MPP7: variants seen among roughly 807,000 people sequenced by gnomAD.
MPP7 encodes the protein MAGUK p55 subfamily member 7.
A neutral mutation model predicts 76.5 loss-of-function variants in MPP7; 60 were observed. The ratio of observed to expected loss-of-function variants is 0.78; its 90% CI spans 0.64 to 0.97. MPP7 has a LOEUF of 0.97. MPP7 is among the 50% of genes least tolerant of loss of function. The pLI is 0.00. For missense variants in MPP7, 641 were observed against 694.0 expected (o/e 0.92, Z 0.86); for synonymous variants, 237 against 244.5 (o/e 0.97, Z 0.29).
rs185334548 is a variant in MPP7, at chr10:28,251,674, A to G, written c.-131-12939T>C. ...GAGTTACTACTTCACTTCACTCACA[A>G]TATCAACACAGAACTGATGCAGGCA... On this transcript the variant is annotated intron_variant, in intron 1 of 16. Transcript: ENST00000683449. Among the ~76,000 whole-genome samples the G allele has an allele frequency of 2.7e-3, 414 of 152,276 alleles. 2 individuals carry two copies. The highest frequency in any genetic ancestry group is 9.3e-3 in the African/African-American group (385 of 41,542).
chr10:28,111,729 G>T (rs557215532), intron 11 of MPP7, among the ~76,000 whole-genome samples: 131 of 152,144 alleles, frequency 8.6e-4, no homozygotes, highest in African/African-American at 2.9e-3. Flanking sequence ...CTGATGAAAG[G>T]TATTTTAGAA....
intron 12 of MPP7, among the ~76,000 whole-genome samples, chr10:28,072,302 G>A (rs1468031691): frequency 2.0e-5 from 3 of 152,040 alleles, no homozygotes; most frequent in African/African-American, 7.2e-5. Flanking sequence ...AGAATAGTAT[G>A]TGGGATGAGA....
chr10:28,196,731 A>T (rs1344796078), intron 3 of MPP7, among the ~76,000 whole-genome samples: 5 of 152,100 alleles, frequency 3.3e-5, no homozygotes, highest in African/African-American at 1.2e-4. Context: ...TATTTCAATG[A>T]AGAGCCCACA....
At position 28,300,047 on chromosome 10, in the gene MPP7, G is replaced by T. The variant is rs1006918322; in HGVS notation, c.-132+2814C>A. Reference sequence around the variant, plus strand: ...CTCCCAAAGTGCTGGGATTACAGGCGTGAGCCACCATGCCTGGCCAAAACT... The same window carrying T: ...CTCCCAAAGTGCTGGGATTACAGGCTTGAGCCACCATGCCTGGCCAAAACT... On this transcript the variant is annotated intron_variant, in intron 1 of 16. Coordinates refer to ENST00000683449, the MANE Select transcript of MPP7 (RefSeq NM_001318170.2). Among the ~76,000 whole-genome samples, 21 of 152,146 alleles carry T rather than the reference G, an allele frequency of 1.4e-4. No homozygotes were observed. In the Middle Eastern group the frequency reaches 9.5e-3, roughly 69 times the overall value.
At chr10:28,062,580 A>ACACC (rs1368870710) in intron 13 of MPP7, among the ~76,000 whole-genome samples, 4 of 132,584 alleles carry the variant, frequency 3.0e-5, no homozygotes, top group Non-Finnish European at 6.4e-5. Context: ...ACACACACAC[A>ACACC]CCAAAGGTTG....
intron 3 of MPP7, among the ~76,000 whole-genome samples, chr10:28,172,514 C>T (rs997520007): frequency 2.0e-5 from 3 of 152,170 alleles, no homozygotes; most frequent in Admixed American, 1.3e-4. Flanking sequence ...TCTACTACAC[C>T]GACTCAGACT....
At chr10:28,274,419 C>T (rs1361617355) in intron 1 of MPP7, among the ~76,000 whole-genome samples, 1 of 152,030 alleles carries the variant, frequency 6.6e-6, no homozygotes, top group East Asian at 1.9e-4. Flanking sequence ...TAAAATATTA[C>T]ATTTATAGTT....
At chr10:28,157,600 A>C (rs1836110876) in intron 3 of MPP7, among the ~76,000 whole-genome samples, 1 of 152,196 alleles carries the variant, frequency 6.6e-6, no homozygotes, top group Non-Finnish European at 1.5e-5. Flanking sequence ...CTTGAAACTC[A>C]AGCCTGTTCT....
At chr10:28,231,812 A>G (rs1411945456) in intron 2 of MPP7, among the ~76,000 whole-genome samples, 1 of 152,328 alleles carries the variant, frequency 6.6e-6, no homozygotes, top group Admixed American at 6.5e-5. Context: ...GTAAAAGTTA[A>G]TATCAATCTT....
intron 11 of MPP7, among the ~76,000 whole-genome samples, chr10:28,107,915 C>G (rs758773196): frequency 2.6e-5 from 4 of 152,200 alleles, no homozygotes; most frequent in African/African-American, 7.2e-5. Context: ...ATCTGGCACA[C>G]TGTATTATTC....
In MPP7 at chr10:28,096,128, C is replaced by T. The variant is rs373308661; in HGVS notation, c.953-6287G>A. Among the ~76,000 whole-genome samples, 558 of 152,256 alleles carry T rather than the reference C, an allele frequency of 3.7e-3. 4 individuals carry two copies. Among genetic ancestry groups the T allele is most frequent in the African/African-American group, 0.012 (509 of 41,554 alleles). On this transcript the variant is annotated intron_variant, in intron 11 of 16. Coordinates refer to ENST00000683449, the MANE Select transcript of MPP7 (RefSeq NM_001318170.2). ...TGTAAAGGGAGAGATCTGAGTTGCT[C>T]GTTATTTGCTTCTTAGTTCAATAAG... is the stretch of plus-strand genomic sequence containing the variant.
intron 3 of MPP7, among the ~76,000 whole-genome samples, chr10:28,184,314 TA>T (rs1250562886): frequency 2.7e-5 from 4 of 148,282 alleles, no homozygotes; most frequent in African/African-American, 7.3e-5. Context: ...ATTTATACAT[TA>T]AAATATATAT....
intron 12 of MPP7, among the ~76,000 whole-genome samples, chr10:28,080,026 C>T (rs1011526493): frequency 7.3e-6 from 1 of 137,090 alleles, no homozygotes; most frequent in Admixed American, 8.2e-5. Context: ...ATGGCTCAAA[C>T]CCAGAAGGCA....
intron 5 of MPP7, among the ~76,000 whole-genome samples, chr10:28,139,466 A>C (rs1425908930): frequency 6.6e-6 from 1 of 152,210 alleles, no homozygotes; most frequent in Non-Finnish European, 1.5e-5. Flanking sequence ...AATAAGAAAG[A>C]TATACTTTTG....
intron 2 of MPP7, among the ~76,000 whole-genome samples, chr10:28,233,186 C>G (rs1302520412): frequency 6.6e-6 from 1 of 152,042 alleles, no homozygotes; most frequent in Non-Finnish European, 1.5e-5. Context: ...TTAAGTAAAT[C>G]GATGGTGGAT....
intron 1 of MPP7, among the ~76,000 whole-genome samples, chr10:28,274,383 G>A (rs931837026): frequency 2.0e-5 from 3 of 150,186 alleles, no homozygotes; most frequent in Non-Finnish European, 3.0e-5. Flanking sequence ...ACAGGCATAA[G>A]CCACCGCGCC....
At chr10:28,078,219 C>G (rs1041396791) in intron 12 of MPP7, among the ~76,000 whole-genome samples, 1 of 152,198 alleles carries the variant, frequency 6.6e-6, no homozygotes, top group Admixed American at 6.5e-5. Flanking sequence ...CTCTCTCATC[C>G]CCAGTCCACG....
rs543939058 is a variant in MPP7, at chr10:28,127,531, C to T, written c.448-2440G>A. Among the ~76,000 whole-genome samples, 29 of 152,244 alleles carry T rather than the reference C, an allele frequency of 1.9e-4. No homozygotes were observed. In the South Asian group the frequency reaches 6.0e-3, roughly 32 times the overall value. ...TGGTGGAAGGCAAGGAGGAGCAAAT[C>T]ACATTTTACATGGATGGCAGCAGGC... On this transcript the variant is annotated intron_variant, in intron 6 of 16. Coordinates refer to ENST00000683449, the MANE Select transcript of MPP7 (RefSeq NM_001318170.2).
At chr10:28,238,839 A>G in intron 1 of MPP7, 104 bp from the exon 2 acceptor site, 8 of 489,924 alleles carry the variant, frequency 1.6e-5, no homozygotes, top group South Asian at 1.1e-4. Context: ...TATTGGAGAG[A>G]TCGCAACTCT....
Sources: allele counts gnomAD v4.1 joint callset (sites outside exome capture counted in the v4.1 genomes callset), GRCh38; gene constraint gnomAD v4.1.1; transcripts MANE v1.5; gene names NCBI Gene and HGNC (gene_info 2026-07-23, HGNC 2026-07-21).